The following XNDC1N variants were observed in gnomAD, a reference collection of about 807,000 sequenced individuals.
XNDC1N encodes XRCC1 N-terminal domain containing 1, N-terminal like.
chr11:71,878,388 A>G, the XNDC1N span: 2 of 1,571,346 alleles, frequency 1.3e-6, no homozygotes, highest in East Asian at 2.2e-5. Context: ...AGAGGACTGA[A>G]TGTACACAGA....
the XNDC1N span, among the ~76,000 whole-genome samples, chr11:71,896,617 G>A: frequency 3.3e-5 from 5 of 152,340 alleles, no homozygotes; most frequent in Middle Eastern, 6.8e-3. Flanking sequence ...AGGCTGGAGT[G>A]TCATGGTGCA....
At chr11:71,926,908 GAAATA>G in the XNDC1N span, among the ~76,000 whole-genome samples, 6,133 of 149,136 alleles carry the variant, frequency 0.041, 124 homozygotes, top group African/African-American at 0.056. Context: ...CTCAAAAAAT[GAAATA>G]AAATAAAATA....
chr11:71,875,921 G>A, the XNDC1N span, among the ~76,000 whole-genome samples: 24 of 152,312 alleles, frequency 1.6e-4, no homozygotes, highest in African/African-American at 5.3e-4. Context: ...AGCTACATGG[G>A]AGGTTGAGGC....
chr11:71,904,524 CATAT>C, the XNDC1N span, among the ~76,000 whole-genome samples: 5 of 151,868 alleles, frequency 3.3e-5, no homozygotes, highest in East Asian at 7.8e-4. Flanking sequence ...CATTTGAAGT[CATAT>C]CTCTCTATGA....
the XNDC1N span, among the ~76,000 whole-genome samples, chr11:71,879,352 T>C: frequency 6.6e-6 from 1 of 152,092 alleles, no homozygotes; most frequent in Non-Finnish European, 1.5e-5. Flanking sequence ...TAAGCATATT[T>C]ATTAAATAAT....
the XNDC1N span, among the ~76,000 whole-genome samples, chr11:71,901,969 C>A: frequency 6.6e-6 from 1 of 152,112 alleles, no homozygotes; most frequent in East Asian, 1.9e-4. Flanking sequence ...TCTGCTTTCC[C>A]TGCATTCCAG....
the XNDC1N span, among the ~76,000 whole-genome samples, chr11:71,888,250 G>T: frequency 3.1e-4 from 46 of 148,782 alleles, no homozygotes; most frequent in African/African-American, 1.2e-3. Context: ...GGGGTGGGAA[G>T]GCAGCCCGGG....
At chr11:71,895,581 C>T in the XNDC1N span, among the ~76,000 whole-genome samples, 27 of 152,112 alleles carry the variant, frequency 1.8e-4, no homozygotes, top group South Asian at 5.4e-3. Context: ...CCCGCTTCCG[C>T]CCCCCAAACT....
chr11:71,889,492 A>T, the XNDC1N span, among the ~76,000 whole-genome samples: 1 of 152,204 alleles, frequency 6.6e-6, no homozygotes, highest in Admixed American at 6.5e-5. Context: ...CTCCAGGTAG[A>T]GGGAAGGACA....
At chr11:71,896,432 T>C in the XNDC1N span, among the ~76,000 whole-genome samples, 93 of 152,378 alleles carry the variant, frequency 6.1e-4, no homozygotes, top group African/African-American at 2.1e-3. Flanking sequence ...TAGTGTTTGA[T>C]AGTACAGTAT....
At chr11:71,896,800 G>T in the XNDC1N span, among the ~76,000 whole-genome samples, 1 of 152,236 alleles carries the variant, frequency 6.6e-6, no homozygotes, top group African/African-American at 2.4e-5. Flanking sequence ...CTGACCTCAC[G>T]TGATCCACCC....
chr11:71,904,032 G>C, the XNDC1N span: 2 of 523,030 alleles, frequency 3.8e-6, no homozygotes, highest in Admixed American at 1.9e-5. Flanking sequence ...TGTACACGGT[G>C]GTCACCCCCA....
chr11:71,878,827 CAAA>C, the XNDC1N span, among the ~76,000 whole-genome samples: 2 of 120,232 alleles, frequency 1.7e-5, no homozygotes. Context: ...CCCATCTCTA[CAAA>C]AAAAAAAAAA....
chr11:71,908,310 TC>T, the XNDC1N span, among the ~76,000 whole-genome samples: 2 of 151,870 alleles, frequency 1.3e-5, no homozygotes, highest in African/African-American at 4.8e-5. Flanking sequence ...GTTATTAATA[TC>T]AGGCATCATT....
At chr11:71,872,691 G>A in the XNDC1N span, among the ~76,000 whole-genome samples, 1 of 152,110 alleles carries the variant, frequency 6.6e-6, no homozygotes, top group Admixed American at 6.6e-5. Context: ...TCGCGCCACT[G>A]CACTATAGCC....
the XNDC1N span, chr11:71,917,419 C>T: frequency 1.6e-6 from 1 of 625,866 alleles, no homozygotes; most frequent in South Asian, 1.9e-5. Flanking sequence ...ATCTCCCCAG[C>T]TAGCATGCAT....
At chr11:71,866,528 T>C in the XNDC1N span, among the ~76,000 whole-genome samples, 1 of 152,182 alleles carries the variant, frequency 6.6e-6, no homozygotes, top group Non-Finnish European at 1.5e-5. Flanking sequence ...ACACCTGTAA[T>C]CCCAACACTT....
the XNDC1N span, among the ~76,000 whole-genome samples, chr11:71,883,244 T>C: frequency 0.045 from 6,817 of 151,742 alleles, 519 homozygotes; most frequent in African/African-American, 0.16. Flanking sequence ...AAAAAACAAT[T>C]TTAAAATTCA....
At chr11:71,919,948 TTTTTTTTTTTTTTTTTTTTTTG>T in the XNDC1N span, among the ~76,000 whole-genome samples, 1 of 87,036 alleles carries the variant, frequency 1.1e-5, no homozygotes, top group Non-Finnish European at 2.2e-5. Context: ...TTTTTTTTTT[TTTTTTTTTTTTTTTTTTTTTTG>T]AGACAGAGTC....
Sources: allele counts gnomAD v4.1 joint callset (sites outside exome capture counted in the v4.1 genomes callset), GRCh38; gene constraint gnomAD v4.1.1; transcripts MANE v1.5; gene names NCBI Gene and HGNC (gene_info 2026-07-23, HGNC 2026-07-21).